SLIT2: variants seen among roughly 807,000 people sequenced by gnomAD.
The protein encoded by SLIT2 is slit homolog 2 protein.
Under a neutral mutation model 185.7 loss-of-function variants are expected in SLIT2, and 41 were observed. The observed-to-expected ratio is 0.22, with a 90% CI of 0.17 to 0.29. The LOEUF is 0.29. Ranked by LOEUF, SLIT2 falls within the 10% of genes least tolerant of loss-of-function variation. The pLI, the probability that SLIT2 is intolerant of heterozygous loss-of-function variation, is 1.00. For missense variants in SLIT2, 1,571 were observed against 1,909.0 expected (o/e 0.82, Z 3.30); for synonymous variants, 693 against 680.2 (o/e 1.02, Z -0.29).
At chr4:20,578,508 A>C (rs758962705) in intron 29 of SLIT2, among the ~76,000 whole-genome samples, 24 of 152,184 alleles carry the variant, frequency 1.6e-4, no homozygotes, top group Non-Finnish European at 2.5e-4. Context: ...ATTATTTCTT[A>C]TAAAAAACAG....
At chr4:20,518,154 TATAC>T (rs1428917233) in intron 11 of SLIT2, among the ~76,000 whole-genome samples, 1 of 141,960 alleles carries the variant, frequency 7.0e-6, no homozygotes, top group Non-Finnish European at 1.5e-5. Context: ...TATATATACA[TATAC>T]ATACATATAC....
In SLIT2 at chr4:20,375,512, C is replaced by T. The variant is rs578121922; in HGVS notation, c.396-92240C>T. Among the ~76,000 whole-genome samples, 23 of 152,066 alleles carry T rather than the reference C, an allele frequency of 1.5e-4. No individual in the cohort carries two copies. The East Asian group carries it at 2.1e-3, about 14-fold the overall frequency. On this transcript the variant is annotated intron_variant, in intron 4 of 36. Transcript: ENST00000504154. ...TGAATAAAGAGTATTTTATCTAAGT[C>T]GTATCACTTGAAGAGCAAGGGTTAG...
chr4:20,361,753 G>A (rs1025144182), intron 4 of SLIT2, among the ~76,000 whole-genome samples: 2 of 151,964 alleles, frequency 1.3e-5, no homozygotes, highest in African/African-American at 2.4e-5. Context: ...CATAAGAAAT[G>A]TTAGGTATCT....
Position 20,596,615 on chromosome 4 carries a change from C to T in SLIT2, c.3521C>T (p.Pro1174Leu). The T allele has an allele frequency of 6.2e-7, 1 of 1,613,860 alleles. No homozygotes were observed. The highest frequency in any genetic ancestry group is 8.5e-7 in the Non-Finnish European group (1 of 1,179,948). The change falls in exon 32 of 37, where the codon CCT (proline) becomes CTT (leucine). Residue 1174 changes from proline (P) to leucine (L), a missense_variant. Physicochemically the swap from Pro to Leu is moderately conservative, Grantham distance 98. Transcript: ENST00000504154. ...AACAAAGAGTCTTATCTTCAGATTC[C>T]TTCAGCCAAGGTTCGGCCTCAGACG... is the stretch of plus-strand genomic sequence containing the variant. ...FINKESYLQI[P>L]SAKVRPQTNI...
At chr4:20,600,413 ATTTTTTTTTTT>A (rs1281627568) in intron 33 of SLIT2, among the ~76,000 whole-genome samples, 1 of 89,500 alleles carries the variant, frequency 1.1e-5, no homozygotes, top group Non-Finnish European at 2.1e-5. Context: ...ATTATGTTGC[ATTTTTTTTTTT>A]TTTTTTTTTT....
rs1711606156 is a variant in SLIT2, at chr4:20,254,855, GC to G, written c.179+862del. 1 of 448,942 alleles carries G rather than the reference GC, an allele frequency of 2.2e-6. No individual in the cohort carries two copies. Among genetic ancestry groups the G allele is most frequent in the Admixed American group, 2.4e-5 (1 of 42,116 alleles). 27.8% of individuals were successfully genotyped at this position (448,942 alleles called of 1,614,324 possible). A position where few individuals can be genotyped will look rare whatever the true frequency, so the allele number is the denominator to read the frequency against. On this transcript the variant is annotated intron_variant, in intron 1 of 36. Transcript: ENST00000504154. The surrounding 1 kb of genome is among the most constrained non-coding windows in gnomAD (Gnocchi z 5.1). ...GGCAGTTTCTGCGCCCCTTCACGTG[GC>G]AGCAGTTCCCCTGCCTTCCCCTCTT...
chr4:20,402,009 C>T (rs927497153), intron 4 of SLIT2, among the ~76,000 whole-genome samples: 5 of 151,712 alleles, frequency 3.3e-5, no homozygotes, highest in South Asian at 2.1e-4. Flanking sequence ...TCCTTGAATA[C>T]GTATTCCTCC....
chr4:20,271,046 C>T (rs973224108), intron 4 of SLIT2, among the ~76,000 whole-genome samples: 2 of 152,010 alleles, frequency 1.3e-5, no homozygotes, highest in East Asian at 1.9e-4. Context: ...GTGAAGCTCA[C>T]TACTGGCTAG....
chr4:20,613,881 G>A (rs1215067582), intron 34 of SLIT2, among the ~76,000 whole-genome samples: 1 of 151,634 alleles, frequency 6.6e-6, no homozygotes, highest in East Asian at 1.9e-4. Flanking sequence ...AATTTTTTTT[G>A]TTTTTCTGAG....
chr4:20,506,925 A>G (rs1245757692), intron 9 of SLIT2, among the ~76,000 whole-genome samples: 1 of 152,044 alleles, frequency 6.6e-6, no homozygotes, highest in Non-Finnish European at 1.5e-5. Context: ...TGTGAATAAC[A>G]ACATAAACTC....
At chr4:20,598,162 TA>T in intron 32 of SLIT2, 102 bp from the exon 33 acceptor site, 1 of 590,112 alleles carries the variant, frequency 1.7e-6, no homozygotes, top group Admixed American at 4.6e-5. Flanking sequence ...CAGGAAAACA[TA>T]AACCATAGTA....
Position 20,533,652 on chromosome 4 carries a change from C to T in SLIT2, c.1769C>T (p.Thr590Met), listed in dbSNP as rs201411609. 24 of 1,612,538 alleles carry T rather than the reference C, an allele frequency of 1.5e-5. No homozygotes were observed. Among genetic ancestry groups the T allele is most frequent in the East Asian group, 2.2e-5 (1 of 44,854 alleles). The change falls in exon 18 of 37, where the codon ACG (threonine) becomes ATG (methionine). Residue 590 changes from threonine (T) to methionine (M), a missense_variant. Coordinates refer to ENST00000504154, the MANE Select transcript of SLIT2 (RefSeq NM_004787.4). ...GASGVNEILLTSNRLENVQHK... is the reference protein window; with the variant it reads ...GASGVNEILLMSNRLENVQHK... The stretch of plus-strand genomic sequence containing the variant: ...TCTGGTGTAAATGAAATACTTCTTA[C>T]GAGTAATCGTTTGGAAAATGTGCAG...
At chr4:20,530,963 T>TAAA (rs879336596) in intron 16 of SLIT2, among the ~76,000 whole-genome samples, 1 of 123,154 alleles carries the variant, frequency 8.1e-6, no homozygotes. Context: ...CTGGAATGGC[T>TAAA]AAAAAAAAAA....
At chr4:20,361,531 T>A (rs1201823723) in intron 4 of SLIT2, among the ~76,000 whole-genome samples, 1 of 152,118 alleles carries the variant, frequency 6.6e-6, no homozygotes, top group Non-Finnish European at 1.5e-5. Flanking sequence ...GAAGTAGCAG[T>A]GCATTAAATA....
At chr4:20,525,740 G>A (rs1721231067) in intron 15 of SLIT2, among the ~76,000 whole-genome samples, 1 of 151,936 alleles carries the variant, frequency 6.6e-6, no homozygotes, top group Non-Finnish European at 1.5e-5. Flanking sequence ...TTTCTTATTT[G>A]TTTATGACTT....
chr4:20,550,830 T>C lies in SLIT2; in HGVS notation c.2493T>C (p.Ser831=), dbSNP rs755333660. ...FDGLKSLRLL[S]LHGNDISVVP... ...TTTTTCTTTTTCTTTCTTTTAGTTC[T>C]CTACATGGAAATGACATTTCTGTTG... Residue 831 remains serine, a synonymous_variant, in exon 25 of 37, where the codon TCT becomes TCC. Coordinates refer to ENST00000504154, the MANE Select transcript of SLIT2 (RefSeq NM_004787.4). 14 of 1,600,564 alleles carry C rather than the reference T, an allele frequency of 8.7e-6. No homozygotes were observed. The highest frequency in any genetic ancestry group is 8.5e-7 in the Non-Finnish European group (1 of 1,169,758).
At position 20,401,301 on chromosome 4, in the gene SLIT2, T is replaced by A. The variant is rs1490309283; in HGVS notation, c.396-66451T>A. Reference sequence around the variant, plus strand: ...GAAGAACTATAATTAATCATGTTGATCAGAGCTGGACATTTGTTGAAACAA... The same window carrying A: ...GAAGAACTATAATTAATCATGTTGAACAGAGCTGGACATTTGTTGAAACAA... On this transcript the variant is annotated intron_variant, in intron 4 of 36. Transcript: ENST00000504154. 2.0e-5 allele frequency among the ~76,000 whole-genome samples: 3 copies of A among 151,894 alleles called. No individual in the cohort carries two copies. In the Admixed American group the frequency reaches 2.0e-4, roughly 10 times the overall value.
At chr4:20,470,543 G>C (rs1267348438) in intron 5 of SLIT2, among the ~76,000 whole-genome samples, 1 of 146,702 alleles carries the variant, frequency 6.8e-6, no homozygotes, top group Non-Finnish European at 1.5e-5. Context: ...TAATGTAAGG[G>C]ATGGAATGTG....
Position 20,482,383 on chromosome 4 carries a change from C to T in SLIT2, c.539+1596C>T, listed in dbSNP as rs577167180. Among the ~76,000 whole-genome samples, 3 of 151,978 alleles carry T rather than the reference C, an allele frequency of 2.0e-5. No homozygotes were observed. In the South Asian group the frequency reaches 6.2e-4, roughly 32 times the overall value. ...TATATACACATAAATGTATCGAATA[C>T]CTACTGTGTATATTTTACAAGGTAG... On this transcript the variant is annotated intron_variant, in intron 6 of 36. Coordinates refer to ENST00000504154, the MANE Select transcript of SLIT2 (RefSeq NM_004787.4).
Sources: allele counts gnomAD v4.1 joint callset (sites outside exome capture counted in the v4.1 genomes callset), GRCh38; gene constraint gnomAD v4.1.1; non-coding constraint Gnocchi (gnomAD v3.1); transcripts MANE v1.5; gene names NCBI Gene and HGNC (gene_info 2026-07-23, HGNC 2026-07-21).